The following LACTB2 variants were observed in gnomAD, a reference collection of about 807,000 sequenced individuals.
LACTB2 encodes the protein endoribonuclease LACTB2.
Under a neutral mutation model 34.8 loss-of-function variants are expected in LACTB2, and 32 were observed. That is an observed-to-expected ratio of 0.92 (90% CI 0.69 to 1.24). The LOEUF (loss-of-function observed/expected upper bound fraction) is 1.24, where lower values mean the gene tolerates loss of function less well. LACTB2 is among the 50% of genes most tolerant of loss of function. LACTB2 has a pLI of 0.00. For synonymous variants in LACTB2, 120 were observed against 117.5 expected (o/e 1.02, Z -0.14); for missense variants, 320 against 345.0 (o/e 0.93, Z 0.57).
At chr8:70,664,093 T>C (rs1818512039) in intron 1 of LACTB2, among the ~76,000 whole-genome samples, 1 of 152,192 alleles carries the variant, frequency 6.6e-6, no homozygotes, top group South Asian at 2.1e-4. Flanking sequence ...TTTGCAGTTA[T>C]TTACCACAAA....
intron 4 of LACTB2, among the ~76,000 whole-genome samples, chr8:70,641,260 C>T (rs1260238706): frequency 6.6e-6 from 1 of 151,944 alleles, no homozygotes; most frequent in Admixed American, 6.5e-5. Context: ...ATAGCAAATA[C>T]AATCTATAGA....
chr8:70,659,795 AAC>A (rs1295267252), intron 2 of LACTB2, among the ~76,000 whole-genome samples: 2 of 152,362 alleles, frequency 1.3e-5, no homozygotes, highest in East Asian at 3.9e-4. Context: ...TATAAATGAA[AAC>A]ACATATCCTA....
At chr8:70,648,476 C>T (rs1335718666) in intron 3 of LACTB2, among the ~76,000 whole-genome samples, 1 of 151,840 alleles carries the variant, frequency 6.6e-6, no homozygotes, top group Non-Finnish European at 1.5e-5. Flanking sequence ...AATTACAAAT[C>T]TGAGAACAGA....
chr8:70,661,326 T>C (rs990840201), intron 2 of LACTB2: 3 of 286,916 alleles, frequency 1.0e-5, no homozygotes, highest in African/African-American at 4.5e-5. Flanking sequence ...CAATGATATA[T>C]TGCCTGAATT....
At chr8:70,650,623 A>G (rs912073593) in intron 3 of LACTB2, among the ~76,000 whole-genome samples, 8 of 151,194 alleles carry the variant, frequency 5.3e-5, no homozygotes, top group South Asian at 2.1e-4. Context: ...TCAGCTACTC[A>G]GGAGTCTAAG....
chr8:70,647,315 C>T (rs908584019), intron 3 of LACTB2, among the ~76,000 whole-genome samples: 2 of 150,978 alleles, frequency 1.3e-5, no homozygotes, highest in Non-Finnish European at 2.9e-5. Context: ...TGCAGTGGTG[C>T]AATCTTGGCT....
At chr8:70,666,478 A>G (rs1818534012) in intron 1 of LACTB2, among the ~76,000 whole-genome samples, 1 of 152,206 alleles carries the variant, frequency 6.6e-6, no homozygotes, top group Non-Finnish European at 1.5e-5. Flanking sequence ...GGGAATCACA[A>G]ACCTCATCTG....
intron 1 of LACTB2, among the ~76,000 whole-genome samples, chr8:70,664,028 A>G (rs1818511482): frequency 6.6e-6 from 1 of 152,108 alleles, no homozygotes; most frequent in Admixed American, 6.6e-5. Flanking sequence ...ATACTATGAT[A>G]CCTCCAATAA....
Position 70,641,045 on chromosome 8 carries a change from C to A in LACTB2, c.598G>T (p.Gly200Cys). ...GCTTCAGCATTATGAATTACTGGGCCATGTCCTGAATTAAAATAATTATAA... is the reference window on the plus strand; with the variant it reads ...GCTTCAGCATTATGAATTACTGGGCAATGTCCTGAATTAAAATAATTATAA... ...IKADIIYPGH[G>C]PVIHNAEAKI... is the part of the protein sequence containing the mutation. The change falls in exon 5 of 7, where the codon GGC becomes TGC. Residue 200 changes from glycine (G) to cysteine (C), a missense_variant. Transcript: ENST00000276590. 1 of 1,593,146 alleles carries A rather than the reference C, an allele frequency of 6.3e-7. No individual in the cohort carries two copies. Among genetic ancestry groups the A allele is most frequent in the South Asian group, 1.2e-5 (1 of 85,710 alleles).
chr8:70,651,593 T>C (rs1469714440), intron 3 of LACTB2, among the ~76,000 whole-genome samples: 1 of 151,758 alleles, frequency 6.6e-6, no homozygotes, highest in Non-Finnish European at 1.5e-5. Context: ...TTGCTTGCAA[T>C]GCCTCCTTCA....
chr8:70,648,005 C>T (rs1380052758), intron 3 of LACTB2, among the ~76,000 whole-genome samples: 1 of 152,160 alleles, frequency 6.6e-6, no homozygotes, highest in Non-Finnish European at 1.5e-5. Flanking sequence ...TCTTTCCACA[C>T]TCAGCTTCTA....
chr8:70,657,343 C>T (rs1043361261), intron 3 of LACTB2, among the ~76,000 whole-genome samples: 10 of 152,026 alleles, frequency 6.6e-5, no homozygotes, highest in African/African-American at 2.4e-4. Flanking sequence ...TTTCTCCTCC[C>T]AGAGTAAGCA....
intron 3 of LACTB2, among the ~76,000 whole-genome samples, chr8:70,650,977 C>T (rs117409576): frequency 0.036 from 5,395 of 151,852 alleles, 150 homozygotes; most frequent in Admixed American, 0.054. Context: ...ATGGAGGAAA[C>T]TAGTAAGTTC....
chr8:70,666,067 T>A (rs1205355293), intron 1 of LACTB2, among the ~76,000 whole-genome samples: 2 of 152,192 alleles, frequency 1.3e-5, no homozygotes, highest in Non-Finnish European at 2.9e-5. Flanking sequence ...ACTGTAGTTA[T>A]CCAGCAGTTC....
At chr8:70,655,858 A>G (rs1235466376) in intron 3 of LACTB2, among the ~76,000 whole-genome samples, 1 of 152,062 alleles carries the variant, frequency 6.6e-6, no homozygotes, top group Non-Finnish European at 1.5e-5. Context: ...CCACACCAAC[A>G]TTTACTGTTT....
At chr8:70,643,127 T>C (rs1818220232) in intron 4 of LACTB2, among the ~76,000 whole-genome samples, 1 of 151,872 alleles carries the variant, frequency 6.6e-6, no homozygotes, top group Admixed American at 6.6e-5. Context: ...CTCATATCTT[T>C]ATCAAAAGTT....
At chr8:70,650,735 C>CAAAAAAAAAAAAAAAAAAAAAAAAA (rs61025700) in intron 3 of LACTB2, among the ~76,000 whole-genome samples, 3 of 46,206 alleles carry the variant, frequency 6.5e-5, no homozygotes, top group African/African-American at 8.9e-5. Context: ...GACTCCATCT[C>CAAAAAAAAAAAAAAAAAAAAAAAAA]AAAAAAAAAA....
rs1424562449 is a variant in LACTB2 at position 70,642,587 on chromosome 8, G to A, written c.592+1478C>T. ...CAACCTCTGCCTCCCAGGTTCAAGT[G>A]ATTTTCCTGCCTCAGCCTCTTGAGA... is the stretch of plus-strand genomic sequence containing the variant. On this transcript the variant is annotated intron_variant, in intron 4 of 6. Transcript: ENST00000276590. Among the ~76,000 whole-genome samples, 8 of 150,108 alleles carry A rather than the reference G, an allele frequency of 5.3e-5. No individual in the cohort carries two copies. The East Asian group carries it at 1.4e-3, about 26-fold the overall frequency.
At chr8:70,644,327 CTTATCT>C in intron 3 of LACTB2, 84 bp from the exon 4 acceptor site, 1 of 933,296 alleles carries the variant, frequency 1.1e-6, no homozygotes, top group Non-Finnish European at 1.5e-6. Flanking sequence ...ATTCTGTATC[CTTATCT>C]TTAGACACAA....
Sources: gnomAD v4.1 joint callset for allele counts (sites outside exome capture counted in the v4.1 genomes callset) on GRCh38, gnomAD v4.1.1 for gene constraint, MANE v1.5 for transcripts, NCBI Gene and HGNC (gene_info 2026-07-23, HGNC 2026-07-21) for gene names.